Variants in MLLT10 observed in about 807,000 individuals in gnomAD.
MLLT10 encodes the protein protein AF-10.
Under a neutral mutation model 129.1 loss-of-function variants are expected in MLLT10, and 30 were observed. That is an observed-to-expected ratio of 0.23 (90% CI 0.17 to 0.32). The LOEUF is 0.32. Ranked by LOEUF, MLLT10 falls within the 10% of genes least tolerant of loss-of-function variation. The probability of loss-of-function intolerance (pLI) is 1.00; values close to 1 mark genes in which losing one functional copy is unlikely to be tolerated. For missense variants in MLLT10, 1,119 were observed against 1,268.3 expected (o/e 0.88, Z 1.79); for synonymous variants, 490 against 446.4 (o/e 1.10, Z -1.23).
intron 4 of MLLT10, among the ~76,000 whole-genome samples, chr10:21,588,949 G>T (rs750843568): frequency 6.6e-6 from 1 of 150,864 alleles, no homozygotes; most frequent in Non-Finnish European, 1.5e-5. Context: ...TCACTCACCC[G>T]AATAGCTGGG....
intron 3 of MLLT10, among the ~76,000 whole-genome samples, chr10:21,543,045 G>A (rs543092006): frequency 6.6e-6 from 1 of 151,482 alleles, no homozygotes; most frequent in Non-Finnish European, 1.5e-5. Flanking sequence ...TGCAGCATCC[G>A]CCTCCCGGGT....
chr10:21,725,444 C>T (rs940072801), intron 14 of MLLT10, among the ~76,000 whole-genome samples: 4 of 152,096 alleles, frequency 2.6e-5, no homozygotes, highest in South Asian at 2.1e-4. Flanking sequence ...TATGGCCAGG[C>T]GCGGTGGCTC....
At chr10:21,626,040 C>G (rs2046397123) in intron 8 of MLLT10, 1 of 1,339,388 alleles carries the variant, frequency 7.5e-7, no homozygotes, top group East Asian at 2.3e-5. Flanking sequence ...AGAGTATAAT[C>G]ATTTCTCTCA....
intron 2 of MLLT10, 24 bp downstream of exon 2, chr10:21,534,828 G>A (rs763146573): frequency 2.6e-6 from 4 of 1,562,058 alleles, no homozygotes; most frequent in South Asian, 1.1e-5. Context: ...CGCCCGCCGG[G>A]GCGCGCCGGC....
At chr10:21,564,314 C>T (rs2039259576) in intron 3 of MLLT10, among the ~76,000 whole-genome samples, 1 of 152,108 alleles carries the variant, frequency 6.6e-6, no homozygotes, top group African/African-American at 2.4e-5. Flanking sequence ...TGGTTTTGAA[C>T]TTCTGAGCTA....
chr10:21,583,899 T>C (rs1338572428), intron 3 of MLLT10, among the ~76,000 whole-genome samples: 1 of 151,966 alleles, frequency 6.6e-6, no homozygotes, highest in African/African-American at 2.4e-5. Context: ...AGACGGAGTC[T>C]CGCTCTGTCA....
chr10:21,689,618 TACACACACAC>T (rs58778532), intron 13 of MLLT10, among the ~76,000 whole-genome samples: 1 of 112,074 alleles, frequency 8.9e-6, no homozygotes, highest in Admixed American at 9.9e-5. Flanking sequence ...TATATATATA[TACACACACAC>T]ACACACACAC....
chr10:21,677,985 T>C (rs1306269153), intron 11 of MLLT10, among the ~76,000 whole-genome samples: 1 of 152,228 alleles, frequency 6.6e-6, no homozygotes, highest in Non-Finnish European at 1.5e-5. Flanking sequence ...TGAATACCAT[T>C]AGTTGTCTCG....
intron 5 of MLLT10, among the ~76,000 whole-genome samples, chr10:21,610,113 G>C (rs544044374): frequency 6.6e-6 from 1 of 152,186 alleles, no homozygotes; most frequent in Non-Finnish European, 1.5e-5. Context: ...CTATAAGAGG[G>C]TATTGAGAGA....
At chr10:21,595,661 A>G (rs2042959083) in intron 5 of MLLT10, 1 of 427,994 alleles carries the variant, frequency 2.3e-6, no homozygotes, top group Non-Finnish European at 4.2e-6. Context: ...TAACCTAGGT[A>G]TTTAGTATTC....
At position 21,713,879 on chromosome 10, in the gene MLLT10, C is replaced by T. The variant is rs772526186; in HGVS notation, c.1807C>T (p.His603Tyr). ...TCACTTACCTCAGCAGTCTTCTGGGCATTTGCAACAAGTAGGAGCGCTCTC... is the reference window on the plus strand; with the variant it reads ...TCACTTACCTCAGCAGTCTTCTGGGTATTTGCAACAAGTAGGAGCGCTCTC... ...SSHLPQQSSG[H>Y]LQQVGALSPS... is the part of the protein sequence containing the mutation. Residue 603 changes from histidine (H) to tyrosine (Y), a missense_variant, in exon 14 of 23, where the codon CAT (histidine) becomes TAT (tyrosine). Physicochemically the swap from His to Tyr is moderately conservative, Grantham distance 83. Around this residue, in one of 5 missense-constraint regions of MLLT10, gnomAD observed 1,004 missense variants for 1,008.7 expected, o/e 1.00. Coordinates refer to ENST00000307729, the MANE Select transcript of MLLT10 (RefSeq NM_001195626.3). 30 of 1,613,932 alleles carry T rather than the reference C, an allele frequency of 1.9e-5. No homozygotes were observed. The Admixed American group carries it at 5.0e-4, about 27-fold the overall frequency.
intron 9 of MLLT10, among the ~76,000 whole-genome samples, chr10:21,663,954 G>T (rs1426627903): frequency 2.6e-5 from 4 of 152,180 alleles, no homozygotes; most frequent in Non-Finnish European, 5.9e-5. Context: ...TTAGGGCAGA[G>T]CAAAGACTTC....
intron 9 of MLLT10, among the ~76,000 whole-genome samples, chr10:21,660,196 G>T (rs1361425581): frequency 6.6e-6 from 1 of 151,368 alleles, no homozygotes; most frequent in Non-Finnish European, 1.5e-5. Context: ...TGAACTCCTG[G>T]GCTTAAGCCA....
At chr10:21,660,045 G>T (rs977637923) in intron 9 of MLLT10, among the ~76,000 whole-genome samples, 1 of 151,876 alleles carries the variant, frequency 6.6e-6, no homozygotes. Context: ...GCTCATTGCA[G>T]CCTTGACCTC....
chr10:21,730,311 A>G (rs965849304), intron 16 of MLLT10, among the ~76,000 whole-genome samples: 14 of 10,092 alleles, frequency 1.4e-3, no homozygotes, highest in African/African-American at 3.1e-3. Context: ...CCAAAAATGA[A>G]AAAAAAAAAA....
In MLLT10 at chr10:21,716,443, A is replaced by G. The variant is rs139524027; in HGVS notation, c.1878+2493A>G. 4.2e-4 allele frequency among the ~76,000 whole-genome samples: 64 copies of G among 152,348 alleles called. No individual in the cohort carries two copies. The East Asian group carries it at 0.012, about 28-fold the overall frequency. Reference sequence around the variant, plus strand: ...CGTGGTGGCTCATGCCTGTAATCCCAGCACTTTGGGAGGCCACGGTGGGTG... The same window carrying G: ...CGTGGTGGCTCATGCCTGTAATCCCGGCACTTTGGGAGGCCACGGTGGGTG... On this transcript the variant is annotated intron_variant, in intron 14 of 22. Transcript: ENST00000307729.
At chr10:21,731,848 G>A (rs1400082260) in intron 17 of MLLT10, among the ~76,000 whole-genome samples, 1 of 152,108 alleles carries the variant, frequency 6.6e-6, no homozygotes, top group African/African-American at 2.4e-5. Flanking sequence ...TCATTTTCGA[G>A]TATAAACTTT....
At chr10:21,608,584 A>T (rs955614606) in intron 5 of MLLT10, among the ~76,000 whole-genome samples, 2 of 152,082 alleles carry the variant, frequency 1.3e-5, no homozygotes, top group East Asian at 3.9e-4. Flanking sequence ...AGTTTTCAGC[A>T]CTAGATTTTC....
intron 3 of MLLT10, among the ~76,000 whole-genome samples, chr10:21,566,930 C>G (rs1300662204): frequency 6.6e-6 from 1 of 152,132 alleles, no homozygotes; most frequent in African/African-American, 2.4e-5. Flanking sequence ...TCTCCTGCCT[C>G]AGCCTCCCAA....
Sources: allele counts gnomAD v4.1 joint callset (sites outside exome capture counted in the v4.1 genomes callset), GRCh38; gene constraint gnomAD v4.1.1; regional missense constraint gnomAD v4.1.1; transcripts MANE v1.5; gene names NCBI Gene and HGNC (gene_info 2026-07-23, HGNC 2026-07-21).